The following EVC2 variants were observed in gnomAD, a reference collection of about 807,000 sequenced individuals.
The protein encoded by EVC2 is EvC ciliary complex subunit 2.
In EVC2, 148 loss-of-function variants were observed where a neutral mutation model predicts 149.3. The ratio of observed to expected loss-of-function variants is 0.99; its 90% confidence interval spans 0.87 to 1.14. The LOEUF is 1.14. Among genes scored for constraint, EVC2 ranks in the 50% most tolerant of loss-of-function variants. The pLI, the probability that EVC2 is intolerant of heterozygous loss-of-function variation, is 0.00. For missense variants in EVC2, 1,854 were observed against 1,627.3 expected, an observed-to-expected ratio of 1.14 and a Z score of -2.40; for synonymous variants, 776 against 649.9, an observed-to-expected ratio of 1.19 and a Z score of -2.95.
chr4:5,618,348 G>GC lies in EVC2; in HGVS notation c.2706+129dup. ...CCTGGAATAGCTGGACACCAATGCA[G>GC]CCAGAGAGGAGAGGATAGGGGAGCA... is the stretch of plus-strand genomic sequence containing the variant. On this transcript the variant is annotated intron_variant, in intron 15 of 21. Transcript: ENST00000344408. This position sits in a 1 kb window ranked among gnomAD's most constrained non-coding sequence, Gnocchi z 4.4. 9.7e-7 allele frequency: 1 copy of GC among 1,029,094 alleles called. No homozygotes were observed. The highest frequency in any genetic ancestry group is 1.5e-6 in the Non-Finnish European group (1 of 672,978). 63.7% of individuals were successfully genotyped at this position (1,029,094 alleles called of 1,614,324 possible).
intron 9 of EVC2, among the ~76,000 whole-genome samples, chr4:5,656,828 G>A (rs760621155): frequency 2.6e-5 from 4 of 152,096 alleles, no homozygotes; most frequent in Non-Finnish European, 4.4e-5. Context: ...CCAAGGTTAC[G>A]GTAATTTGTG....
rs1014985062 is a variant in EVC2, at chr4:5,685,394, T to C, written c.792A>G (p.Gln264=). The C allele has an allele frequency of 5.6e-6, 9 of 1,613,998 alleles. No homozygotes were observed. The highest frequency in any genetic ancestry group is 5.5e-5 in the South Asian group (5 of 91,080). ...GNGESLKLPA[Q]LTFQSSSRNR... ...CCCGTGACGAGCTCTGAAAGGTGAGTTGGGCAGGAAGCTTGAGGCTCTCCC... is the reference window on the plus strand; with the variant it reads ...CCCGTGACGAGCTCTGAAAGGTGAGCTGGGCAGGAAGCTTGAGGCTCTCCC... The change falls in exon 6 of 22, where the codon CAA becomes CAG. Residue 264 remains glutamine, a synonymous_variant. Transcript: ENST00000344408.
intron 17 of EVC2, among the ~76,000 whole-genome samples, chr4:5,578,577 C>T (rs188533492): frequency 6.9e-4 from 105 of 152,198 alleles, no homozygotes; most frequent in Middle Eastern, 3.4e-3. Flanking sequence ...TCTAACGCCC[C>T]TAGTAATCAC....
At chr4:5,615,810 A>C (rs1368012360) in intron 15 of EVC2, among the ~76,000 whole-genome samples, 1 of 152,204 alleles carries the variant, frequency 6.6e-6, no homozygotes, top group Non-Finnish European at 1.5e-5. Flanking sequence ...CTCTGCAGTC[A>C]GAGAGCAGAC....
At chr4:5,611,004 A>C (rs534806231) in intron 16 of EVC2, among the ~76,000 whole-genome samples, 1 of 152,004 alleles carries the variant, frequency 6.6e-6, no homozygotes, top group South Asian at 2.1e-4. Context: ...TCATGTGTCA[A>C]CTGGATAAGG....
In EVC2 at chr4:5,618,378, G is replaced by A. The variant is rs1715428012; in HGVS notation, c.2706+100C>T. On this transcript the variant is annotated intron_variant, in intron 15 of 21. Coordinates refer to ENST00000344408, the MANE Select transcript of EVC2 (RefSeq NM_147127.5). This position sits in a 1 kb window ranked among gnomAD's most constrained non-coding sequence, Gnocchi z 4.4. ...AGAGGAGAGGATAGGGGAGCATGAGGTGAGATGGGCTCAGGCTGGGGAAGA... is the reference window on the plus strand; with the variant it reads ...AGAGGAGAGGATAGGGGAGCATGAGATGAGATGGGCTCAGGCTGGGGAAGA... The A allele has an allele frequency of 2.2e-6, 3 of 1,333,878 alleles. No individual in the cohort carries two copies. The highest frequency in any genetic ancestry group is 2.4e-5 in the South Asian group (2 of 82,200). 82.6% of individuals were successfully genotyped at this position (1,333,878 alleles called of 1,614,324 possible).
intron 7 of EVC2, among the ~76,000 whole-genome samples, chr4:5,669,573 T>C (rs902272527): frequency 3.9e-5 from 6 of 152,226 alleles, no homozygotes; most frequent in Admixed American, 6.5e-5. Flanking sequence ...AGCATCACTC[T>C]ACCGTAAAAG....
intron 19 of EVC2, among the ~76,000 whole-genome samples, chr4:5,573,707 G>A (rs1474753350): frequency 6.6e-6 from 1 of 152,234 alleles, no homozygotes; most frequent in Non-Finnish European, 1.5e-5. Flanking sequence ...TGACAGCAGT[G>A]ATAGGAAACG....
downstream of EVC2, among the ~76,000 whole-genome samples, chr4:5,561,106 T>G (rs1033967820): frequency 6.6e-6 from 1 of 152,200 alleles, no homozygotes; most frequent in Non-Finnish European, 1.5e-5. Context: ...TTTTTGAAAT[T>G]TTTGCATGCA....
At chr4:5,684,547 G>A (rs886627397) in intron 6 of EVC2, among the ~76,000 whole-genome samples, 13 of 139,028 alleles carry the variant, frequency 9.4e-5, no homozygotes, top group African/African-American at 1.8e-4. Context: ...CCTTGAAGTC[G>A]GGGACCACAT....
rs1560131624 is a variant in EVC2 at position 5,574,773 on chromosome 4, C to T, written c.3273-1G>A. The stretch of plus-strand genomic sequence containing the variant: ...ACTGTTCTGTTGTTCCTCTCTCAAA[C>T]TGGAGTGAAAATAAAATATACGTAA... On this transcript the variant is annotated splice_acceptor_variant, in intron 18 of 21. Coordinates refer to ENST00000344408, the MANE Select transcript of EVC2 (RefSeq NM_147127.5). LOFTEE classifies it high-confidence loss of function. 1.9e-6 allele frequency: 3 copies of T among 1,614,090 alleles called. No homozygotes were observed. Among genetic ancestry groups the T allele is most frequent in the Non-Finnish European group, 1.7e-6 (2 of 1,179,972 alleles).
In EVC2 at chr4:5,622,462, C is replaced by A. The variant is rs1715760184; in HGVS notation, c.2501+75G>T. The A allele has an allele frequency of 6.5e-7, 1 of 1,542,122 alleles. No homozygotes were observed. The highest frequency in any genetic ancestry group is 8.8e-7 in the Non-Finnish European group (1 of 1,132,230). On this transcript the variant is annotated intron_variant, in intron 14 of 21. Transcript: ENST00000344408. The surrounding 1 kb of genome is among the most constrained non-coding windows in gnomAD (Gnocchi z 5.8). The stretch of plus-strand genomic sequence containing the variant: ...CAGGTGTCTCATGCTTGGCCATCCC[C>A]ACAACCACAGGGCAGGAATCTCCCT...
Position 5,579,036 on chromosome 4 carries a change from A to G in EVC2, c.3058-2582T>C, listed in dbSNP as rs115124207. On this transcript the variant is annotated intron_variant, in intron 17 of 21. Transcript: ENST00000344408. ...TGCTCAGGGGGCAGCAAGAAGGTCCAGGGGCTAAAATGCAGGATCTGAGAG... is the reference window on the plus strand; with the variant it reads ...TGCTCAGGGGGCAGCAAGAAGGTCCGGGGGCTAAAATGCAGGATCTGAGAG... Among the ~76,000 whole-genome samples, 477 of 152,296 alleles carry G rather than the reference A, an allele frequency of 3.1e-3. 5 individuals are homozygous for G. The highest frequency in any genetic ancestry group is 0.011 in the African/African-American group (456 of 41,560).
chr4:5,625,775 T>TA lies in EVC2; in HGVS notation c.2019dup (p.Lys674Ter), dbSNP rs2108843158. ...TTTTGTAGCAACTCTCGTCTTCTCT[T>TA]AGTTATTAATTTTTGGTGGAGCTTT... On this transcript the variant is annotated frameshift_variant, in exon 13 of 22. Coordinates refer to ENST00000344408, the MANE Select transcript of EVC2 (RefSeq NM_147127.5). LOFTEE classifies it high-confidence loss of function. The surrounding 1 kb of genome is among the most constrained non-coding windows in gnomAD (Gnocchi z 4.0). 1 of 1,614,160 alleles carries TA rather than the reference T, an allele frequency of 6.2e-7. No individual in the cohort carries two copies. Among genetic ancestry groups the TA allele is most frequent in the Non-Finnish European group, 8.5e-7 (1 of 1,180,036 alleles).
In EVC2 at chr4:5,549,155, A is replaced by T. The variant is rs10937654; in HGVS notation, c.3420-5943T>A. ...AATAGCAACAATAAAACTAACCTAC[A>T]ATTTTTATATTAAGATATATTGTTA... is the stretch of plus-strand genomic sequence containing the variant. On this transcript the variant is annotated intron_variant and NMD_transcript_variant, in intron 21 of 22. Transcript: ENST00000475313. Among the ~76,000 whole-genome samples, 12 of 152,010 alleles carry T rather than the reference A, an allele frequency of 7.9e-5. 1 individual carries two copies. The South Asian group carries it at 2.5e-3, about 31-fold the overall frequency.
rs71171407 is a variant in EVC2, at chr4:5,625,307, TACACACACACAC to T, written c.2046+430_2046+441del. 0.025 allele frequency among the ~76,000 whole-genome samples: 3,465 copies of T among 139,872 alleles called. 98 individuals carry two copies. Among genetic ancestry groups the T allele is most frequent in the African/African-American group, 0.072 (2,787 of 38,630 alleles). 91.8% of individuals were successfully genotyped at this position (139,872 alleles called of 152,430 possible). On this transcript the variant is annotated intron_variant, in intron 13 of 21. Coordinates refer to ENST00000344408, the MANE Select transcript of EVC2 (RefSeq NM_147127.5). This position sits in a 1 kb window ranked among gnomAD's most constrained non-coding sequence, Gnocchi z 4.0. ...CTTACTAGATATTTGACCTTGACCATACACACACACACACACACACACACACACACACACACA... is the reference window on the plus strand; with the variant it reads ...CTTACTAGATATTTGACCTTGACCATACACACACACACACACACACACACA...
chr4:5,708,038 G>A, intron 1 of EVC2: 1 of 403,710 alleles, frequency 2.5e-6, no homozygotes, highest in East Asian at 3.9e-5. Flanking sequence ...TGGAGAGCAG[G>A]ATTCGAACCA....
chr4:5,631,699 A>G, intron 11 of EVC2, 94 bp downstream of exon 11: 1 of 1,543,394 alleles, frequency 6.5e-7, no homozygotes, highest in Non-Finnish European at 8.8e-7. Flanking sequence ...TGCACAGTAC[A>G]AAGGAGAGGC....
chr4:5,626,581 G>T (rs183334014), intron 12 of EVC2, among the ~76,000 whole-genome samples: 1 of 152,076 alleles, frequency 6.6e-6, no homozygotes, highest in East Asian at 1.9e-4. Context: ...TGATCCACCC[G>T]CCTCGGCCTT....
Sources: allele counts gnomAD v4.1 joint callset (sites outside exome capture counted in the v4.1 genomes callset), GRCh38; gene constraint gnomAD v4.1.1; non-coding constraint Gnocchi (gnomAD v3.1); transcripts MANE v1.5; gene names NCBI Gene and HGNC (gene_info 2026-07-23, HGNC 2026-07-21).